Variants in GABRA3 observed in about 807,000 individuals in gnomAD.
The protein encoded by GABRA3 is gamma-aminobutyric acid type A receptor subunit alpha3.
A neutral mutation model predicts 30.1 loss-of-function variants in GABRA3; 10 were observed. The observed-to-expected ratio is 0.33, with a 90% confidence interval of 0.20 to 0.56. The LOEUF is 0.56. GABRA3 is among the 20% of genes least tolerant of loss of function. The pLI is 0.89. For synonymous variants in GABRA3, 151 were observed against 146.8 expected, an observed-to-expected ratio of 1.03 and a Z score of -0.21; for missense variants, 233 against 392.0, an observed-to-expected ratio of 0.59 and a Z score of 3.42.
At chrX:152,236,890 T>C (rs1345987666) in intron 5 of GABRA3, among the ~76,000 whole-genome samples, 1 of 104,398 alleles carries the variant, frequency 9.6e-6, no homozygotes, top group Non-Finnish European at 2.0e-5. Flanking sequence ...AGATTCTGGA[T>C]ATTAGCCCTT....
At chrX:152,181,801 C>T (rs974567242) in intron 9 of GABRA3, among the ~76,000 whole-genome samples, 4 of 101,947 alleles carry the variant, frequency 3.9e-5, no homozygotes, top group Non-Finnish European at 5.9e-5. Flanking sequence ...TGCACATGTA[C>T]CCTAAAATTT....
At chrX:152,388,050 C>A (rs907546293) in intron 1 of GABRA3, among the ~76,000 whole-genome samples, 2 of 111,790 alleles carry the variant, frequency 1.8e-5, no homozygotes, top group African/African-American at 6.5e-5. Flanking sequence ...AATGTGCATA[C>A]TAACAGAATG....
Position 152,422,736 on chromosome X carries a change from T to A in GABRA3, c.-27+28410A>T, listed in dbSNP as rs201370118. ...ACAATATTCTTAAAGATTGAGGAAATGTTGCTCAAAGGATACAACATTTCA... is the reference window on the plus strand; with the variant it reads ...ACAATATTCTTAAAGATTGAGGAAAAGTTGCTCAAAGGATACAACATTTCA... On this transcript the variant is annotated intron_variant, in intron 1 of 9. Coordinates refer to ENST00000370314, the MANE Select transcript of GABRA3 (RefSeq NM_000808.4). Among the ~76,000 whole-genome samples the A allele has an allele frequency of 4.5e-5, 5 of 111,040 alleles. No homozygotes were observed. In the East Asian group the frequency reaches 1.4e-3, roughly 32 times the overall value.
At position 152,167,145 on chromosome X, in the gene GABRA3, G is replaced by C. The variant is rs1286088970; in HGVS notation, c.*1083C>G. On this transcript the variant is annotated 3_prime_UTR_variant, in exon 10 of 10. Coordinates refer to ENST00000370314, the MANE Select transcript of GABRA3 (RefSeq NM_000808.4). ...CATCAACAGAGGACCGGAGGTTCCCGATATGGTGGGAGAAAAGTGCCTGGG... is the reference window on the plus strand; with the variant it reads ...CATCAACAGAGGACCGGAGGTTCCCCATATGGTGGGAGAAAAGTGCCTGGG... The C allele has an allele frequency of 9.0e-6, 1 of 110,803 alleles. No homozygotes were observed. 9.1% of individuals were successfully genotyped at this position (110,803 alleles called of 1,213,427 possible).
chrX:152,437,731 T>C (rs1345549012), intron 1 of GABRA3, among the ~76,000 whole-genome samples: 2 of 111,946 alleles, frequency 1.8e-5, no homozygotes, highest in East Asian at 2.8e-4. Flanking sequence ...CAACTGATCC[T>C]TGACAAAGAA....
At chrX:152,322,811 G>A (rs1939986784) in intron 3 of GABRA3, among the ~76,000 whole-genome samples, 1 of 103,821 alleles carries the variant, frequency 9.6e-6, no homozygotes, top group Admixed American at 1.0e-4. Flanking sequence ...TGGGATTACA[G>A]GTGTGAGCCA....
intron 1 of GABRA3, among the ~76,000 whole-genome samples, chrX:152,385,373 A>G (rs1191477959): frequency 1.8e-5 from 2 of 112,212 alleles, no homozygotes; most frequent in Admixed American, 1.9e-4. Flanking sequence ...TCTATCTTAC[A>G]ATAGAATGAA....
At chrX:152,429,234 C>G (rs1930591243) in intron 1 of GABRA3, among the ~76,000 whole-genome samples, 1 of 110,688 alleles carries the variant, frequency 9.0e-6, no homozygotes, top group Admixed American at 9.6e-5. Flanking sequence ...TCCACTACTT[C>G]TATTAATCTA....
At chrX:152,427,110 G>C (rs1930532932) in intron 1 of GABRA3, among the ~76,000 whole-genome samples, 1 of 111,380 alleles carries the variant, frequency 9.0e-6, no homozygotes. Flanking sequence ...CATAGATGAA[G>C]TCATCATTAT....
At chrX:152,221,423 T>C (rs1569359839) in intron 6 of GABRA3, among the ~76,000 whole-genome samples, 1 of 112,102 alleles carries the variant, frequency 8.9e-6, no homozygotes, top group Non-Finnish European at 1.9e-5. Flanking sequence ...TAAATTACTG[T>C]AACTTCAAAA....
chrX:152,303,130 T>C (rs1302099210), intron 3 of GABRA3, among the ~76,000 whole-genome samples: 1 of 112,069 alleles, frequency 8.9e-6, no homozygotes, highest in Non-Finnish European at 1.9e-5. Context: ...TACTTCTATT[T>C]TTAGTTATTT....
intron 4 of GABRA3, among the ~76,000 whole-genome samples, chrX:152,274,239 C>T (rs935887632): frequency 8.1e-5 from 9 of 111,568 alleles, no homozygotes; most frequent in Non-Finnish European, 1.7e-4. Flanking sequence ...AACCTTTAGA[C>T]TCACGATAAG....
intron 3 of GABRA3, among the ~76,000 whole-genome samples, chrX:152,335,176 C>A (rs945136958): frequency 2.7e-5 from 3 of 111,360 alleles, no homozygotes; most frequent in African/African-American, 9.8e-5. Flanking sequence ...CTCAAAAATG[C>A]AAGCTGAGGA....
At chrX:152,250,004 G>A (rs975485753) in intron 5 of GABRA3, among the ~76,000 whole-genome samples, 5 of 110,853 alleles carry the variant, frequency 4.5e-5, no homozygotes, top group African/African-American at 1.6e-4. Context: ...GATGCATGAT[G>A]TCGATTCATG....
At chrX:152,448,346 G>A (rs1243893761) in intron 1 of GABRA3, among the ~76,000 whole-genome samples, 1 of 112,336 alleles carries the variant, frequency 8.9e-6, no homozygotes. Flanking sequence ...CTGGCCTAAC[G>A]ATTTCCGAAG....
intron 3 of GABRA3, among the ~76,000 whole-genome samples, chrX:152,303,165 C>G (rs1382324735): frequency 8.9e-6 from 1 of 112,268 alleles, no homozygotes; most frequent in African/African-American, 3.2e-5. Flanking sequence ...CATCTTTCCA[C>G]AGAGGCTGAT....
intron 9 of GABRA3, among the ~76,000 whole-genome samples, chrX:152,183,727 C>T (rs939057729): frequency 1.8e-5 from 2 of 111,303 alleles, no homozygotes; most frequent in African/African-American, 6.5e-5. Flanking sequence ...GCTTTGGCTG[C>T]AACTCATAAG....
chrX:152,169,960 G>C (rs112324708), intron 9 of GABRA3, among the ~76,000 whole-genome samples: 223 of 110,696 alleles, frequency 2.0e-3, no homozygotes, highest in African/African-American at 6.7e-3. Flanking sequence ...TCCTTTAGAC[G>C]TCACTGCCAT....
intron 9 of GABRA3, among the ~76,000 whole-genome samples, chrX:152,178,771 T>C (rs1937107282): frequency 9.0e-6 from 1 of 111,610 alleles, no homozygotes; most frequent in African/African-American, 3.3e-5. Flanking sequence ...TGAAAACTTA[T>C]GAAAATCAAG....
Sources: allele counts gnomAD v4.1 joint callset (sites outside exome capture counted in the v4.1 genomes callset), GRCh38; gene constraint gnomAD v4.1.1; transcripts MANE v1.5; gene names NCBI Gene and HGNC (gene_info 2026-07-23, HGNC 2026-07-21).